The following PLS1 variants were observed in gnomAD, a reference collection of about 807,000 sequenced individuals.
PLS1 encodes plastin 1, also known as plastin-1.
In PLS1, 32 loss-of-function variants were observed where a neutral mutation model predicts 73.7. The observed-to-expected ratio is 0.43, with a 90% CI of 0.33 to 0.58. The LOEUF is 0.58. PLS1 is among the 20% of genes least tolerant of loss of function. The probability of loss-of-function intolerance (pLI) is 0.04; values close to 1 mark genes in which losing one functional copy is unlikely to be tolerated. For synonymous variants in PLS1, 217 were observed against 261.3 expected, an observed-to-expected ratio of 0.83 and a Z score of 1.63; for missense variants, 633 against 740.5, an observed-to-expected ratio of 0.85 and a Z score of 1.68.
chr3:142,600,906 ATATATATATATTTTTTTTTTTT>A (rs2035909414), intron 1 of PLS1, among the ~76,000 whole-genome samples: 1 of 29,600 alleles, frequency 3.4e-5, no homozygotes, highest in Non-Finnish European at 5.2e-5. Context: ...ATATATATAT[ATATATATATATTTTTTTTTTTT>A]TTTTTTTTTT....
intron 1 of PLS1, among the ~76,000 whole-genome samples, chr3:142,652,836 T>C (rs2037128579): frequency 6.6e-6 from 1 of 152,226 alleles, no homozygotes; most frequent in Non-Finnish European, 1.5e-5. Flanking sequence ...AGTAAGCAAG[T>C]CTAACTCTGC....
chr3:142,645,692 T>C (rs1202402619), intron 1 of PLS1: 1 of 152,188 alleles, frequency 6.6e-6, no homozygotes, highest in Non-Finnish European at 1.5e-5. Flanking sequence ...TATTTGTCAT[T>C]ATGGGGAGTT....
intron 1 of PLS1, among the ~76,000 whole-genome samples, chr3:142,623,116 GC>G (rs1405549575): frequency 6.6e-6 from 1 of 152,054 alleles, no homozygotes; most frequent in East Asian, 1.9e-4. Context: ...ATACCACTGT[GC>G]CCAGCTCAAC....
In PLS1 at chr3:142,694,464, T is replaced by G; in HGVS notation, c.1178-5T>G. On this transcript the variant is annotated splice_region_variant and splice_polypyrimidine_tract_variant and intron_variant, in intron 10 of 15. Coordinates refer to ENST00000457734, the MANE Select transcript of PLS1 (RefSeq NM_001145319.2). ...GTCATCAGTGTGAGCTTGTGTCTAC[T>G]CTAGGAGAGAGCAAGGAAGAGAGAA... 6.3e-7 allele frequency: 1 copy of G among 1,584,768 alleles called. No homozygotes were observed. Among genetic ancestry groups the G allele is most frequent in the East Asian group, 2.2e-5 (1 of 44,676 alleles).
intron 1 of PLS1, among the ~76,000 whole-genome samples, chr3:142,639,230 G>T (rs1324310129): frequency 3.3e-5 from 5 of 152,076 alleles, no homozygotes; most frequent in Non-Finnish European, 7.4e-5. Flanking sequence ...AGGAGTTCAG[G>T]GCTGTCATTT....
intron 1 of PLS1, among the ~76,000 whole-genome samples, chr3:142,633,747 T>C (rs1057134284): frequency 7.9e-5 from 12 of 152,294 alleles, no homozygotes; most frequent in Admixed American, 5.2e-4. Context: ...AAAAAAGTTA[T>C]AGGAATATAA....
intron 3 of PLS1, among the ~76,000 whole-genome samples, chr3:142,670,088 T>C (rs2037573165): frequency 6.6e-6 from 1 of 152,076 alleles, no homozygotes; most frequent in African/African-American, 2.4e-5. Flanking sequence ...CTGTGAGAGT[T>C]TGTGGTAGAA....
intron 10 of PLS1, among the ~76,000 whole-genome samples, chr3:142,694,020 T>A (rs2038141119): frequency 6.6e-6 from 1 of 151,782 alleles, no homozygotes; most frequent in Non-Finnish European, 1.5e-5. Context: ...CTTTCCTATG[T>A]AAAACCATAA....
intron 1 of PLS1, among the ~76,000 whole-genome samples, chr3:142,639,942 T>C (rs1381599158): frequency 1.2e-4 from 19 of 152,220 alleles, no homozygotes; most frequent in Non-Finnish European, 2.8e-4. Context: ...CATTTTATAT[T>C]ACTAGTTCTA....
chr3:142,668,829 T>C (rs1201105228), intron 2 of PLS1, among the ~76,000 whole-genome samples: 1 of 152,074 alleles, frequency 6.6e-6, no homozygotes, highest in Non-Finnish European at 1.5e-5. Flanking sequence ...CTCAAACTCC[T>C]GACCTCAGGT....
chr3:142,677,301 G>A (rs988489753), intron 5 of PLS1, among the ~76,000 whole-genome samples: 1 of 152,004 alleles, frequency 6.6e-6, no homozygotes, highest in African/African-American at 2.4e-5. Flanking sequence ...TTTAGGCTGC[G>A]GAATACTGAT....
intron 3 of PLS1, 64 bp from the exon 4 acceptor site, chr3:142,670,929 A>G (rs1432866959): frequency 5.4e-6 from 6 of 1,106,408 alleles, no homozygotes; most frequent in Admixed American, 2.2e-5. Flanking sequence ...GTGTAAATAA[A>G]TATCCATTTT....
chr3:142,694,119 ATTTTGT>A (rs1412893099), intron 10 of PLS1, among the ~76,000 whole-genome samples: 1 of 151,782 alleles, frequency 6.6e-6, no homozygotes, highest in Non-Finnish European at 1.5e-5. Context: ...CTGCGAAAAC[ATTTTGT>A]TTTTATTAAT....
chr3:142,650,204 T>G (rs944189030), intron 1 of PLS1, among the ~76,000 whole-genome samples: 15 of 134,580 alleles, frequency 1.1e-4, no homozygotes, highest in East Asian at 4.0e-4. Context: ...GGTTTTGGCT[T>G]CTTCTTCTTT....
intron 14 of PLS1, among the ~76,000 whole-genome samples, chr3:142,709,371 AATT>A (rs1479282836): frequency 2.0e-5 from 3 of 152,176 alleles, no homozygotes; most frequent in Non-Finnish European, 2.9e-5. Flanking sequence ...TAAAGGACCT[AATT>A]ATTTTTACCC....
chr3:142,643,825 ATTTTTTTTTTT>A (rs67216911), intron 1 of PLS1, among the ~76,000 whole-genome samples: 2 of 122,920 alleles, frequency 1.6e-5, no homozygotes, highest in African/African-American at 6.5e-5. Flanking sequence ...TCTTCATTTC[ATTTTTTTTTTT>A]TTTTTTTTTT....
chr3:142,600,916 A>ATATATT (rs1560024585), intron 1 of PLS1, among the ~76,000 whole-genome samples: 1 of 14,840 alleles, frequency 6.7e-5, no homozygotes, highest in Non-Finnish European at 1.1e-4. Flanking sequence ...ATATATATAT[A>ATATATT]TTTTTTTTTT....
At chr3:142,605,124 A>G (rs1000567741) in intron 1 of PLS1, among the ~76,000 whole-genome samples, 1 of 152,274 alleles carries the variant, frequency 6.6e-6, no homozygotes, top group African/African-American at 2.4e-5. Flanking sequence ...CCCCATGAGA[A>G]GGAAGGCCTT....
chr3:142,657,308 T>C (rs921328133), intron 1 of PLS1: 5 of 152,272 alleles, frequency 3.3e-5, no homozygotes, highest in African/African-American at 4.8e-5. Context: ...ATCTAGTGGT[T>C]TCTCAGAGGT....
Sources: gnomAD v4.1 joint callset for allele counts (sites outside exome capture counted in the v4.1 genomes callset) on GRCh38, gnomAD v4.1.1 for gene constraint, MANE v1.5 for transcripts, NCBI Gene and HGNC (gene_info 2026-07-23, HGNC 2026-07-21) for gene names.